Variants in ATPAF1 observed in about 807,000 individuals in gnomAD.
The protein encoded by ATPAF1 is ATP synthase mitochondrial F1 complex assembly factor 1.
In ATPAF1, 26 loss-of-function variants were observed where a neutral mutation model predicts 43.9. That is an observed-to-expected ratio of 0.59 (90% CI 0.43 to 0.82). ATPAF1 has a LOEUF of 0.82. ATPAF1 is among the 40% of genes least tolerant of loss of function. The pLI, the probability that ATPAF1 is intolerant of heterozygous loss-of-function variation, is 0.00. For synonymous variants in ATPAF1, 157 were observed against 168.0 expected, an observed-to-expected ratio of 0.93 and a Z score of 0.50; for missense variants, 366 against 435.0, an observed-to-expected ratio of 0.84 and a Z score of 1.41.
chr1:46,667,470 G>A (rs1270468767), intron 1 of ATPAF1, among the ~76,000 whole-genome samples: 1 of 152,170 alleles, frequency 6.6e-6, no homozygotes, highest in Non-Finnish European at 1.5e-5. Flanking sequence ...TGGTGTTAGG[G>A]ACCCTGGACT....
At chr1:46,665,298 C>A in exon 2 of ATPAF1, 1 of 1,614,252 alleles carries the variant, frequency 6.2e-7, no homozygotes. Context: ...GCCTGGAATG[C>A]CCCACTGGCT....
intron 8 of ATPAF1, among the ~76,000 whole-genome samples, chr1:46,642,667 C>T (rs1675970543): frequency 6.6e-6 from 1 of 152,166 alleles, no homozygotes; most frequent in Non-Finnish European, 1.5e-5. Flanking sequence ...TACAACTCTT[C>T]CCTATAATTA....
At chr1:46,647,449 A>G (rs147317195) in intron 6 of ATPAF1, among the ~76,000 whole-genome samples, 1 of 152,282 alleles carries the variant, frequency 6.6e-6, no homozygotes, top group Non-Finnish European at 1.5e-5. Context: ...GCATGTATCA[A>G]TAGTTCATTC....
At chr1:46,663,114 A>T (rs1200591019) in intron 2 of ATPAF1, among the ~76,000 whole-genome samples, 2 of 152,188 alleles carry the variant, frequency 1.3e-5, no homozygotes. Context: ...ACATGAACTC[A>T]TCATTTTTTA....
rs765824542 is a variant in ATPAF1, at chr1:46,635,802, A to G, written c.961T>C (p.Cys321Arg). ...TAAGTCTTATTTTGGTTCTGGGCAC[A>G]TTTCAGTTCTGCTCCAAGTCCGCTT... is the stretch of plus-strand genomic sequence containing the variant. Residue 321 changes from cysteine (C) to arginine (R), a missense_variant, in exon 9 of 9, where the codon TGT (cysteine) becomes CGT (arginine). Around this residue, in one of 2 missense-constraint regions of ATPAF1, gnomAD observed 180 missense variants for 266.5 expected, o/e 0.68. Transcript: ENST00000574428. The G allele has an allele frequency of 3.1e-6, 5 of 1,614,166 alleles. No homozygotes were observed. The South Asian group carries it at 5.5e-5, about 18-fold the overall frequency.
intron 1 of ATPAF1, chr1:46,666,310 G>A (rs636082): frequency 0.14 from 21,370 of 153,544 alleles, 3,833 homozygotes; most frequent in African/African-American, 0.4. Context: ...CTGCTTAGTC[G>A]GGCATGGCAC....
chr1:46,659,169 C>T (rs1195808192), intron 2 of ATPAF1, among the ~76,000 whole-genome samples: 3 of 151,730 alleles, frequency 2.0e-5, no homozygotes, highest in African/African-American at 4.8e-5. Context: ...CTAGCCCGGG[C>T]AACAGAGTGA....
At chr1:46,661,504 C>T (rs895303778) in intron 2 of ATPAF1, among the ~76,000 whole-genome samples, 14 of 152,142 alleles carry the variant, frequency 9.2e-5, no homozygotes, top group African/African-American at 3.4e-4. Context: ...ACAGTGTAGT[C>T]GTGCCCTAAT....
In ATPAF1 at chr1:46,635,474, G is replaced by A. The variant is rs372417440; in HGVS notation, c.*302C>T. On this transcript the variant is annotated 3_prime_UTR_variant, in exon 9 of 9. Transcript: ENST00000574428. Reference sequence around the variant, plus strand: ...AAAGTGGCCAGAATGCAACTGCGCTGTTACACTGTGCAAAATCAAGTCAAC... The same window carrying A: ...AAAGTGGCCAGAATGCAACTGCGCTATTACACTGTGCAAAATCAAGTCAAC... 170 of 356,942 alleles carry A rather than the reference G, an allele frequency of 4.8e-4. 3 individuals are homozygous for A. The South Asian group carries it at 8.8e-3, about 18-fold the overall frequency. 22.1% of individuals were successfully genotyped at this position (356,942 alleles called of 1,614,324 possible).
intron 4 of ATPAF1, 117 bp downstream of exon 4, chr1:46,658,010 G>C: frequency 1.0e-6 from 1 of 972,932 alleles, no homozygotes; most frequent in Non-Finnish European, 1.6e-6. Context: ...CATCACTTTT[G>C]CCTTTTATTA....
chr1:46,643,435 T>TA, intron 7 of ATPAF1, 134 bp from the exon 8 acceptor site: 1 of 648,064 alleles, frequency 1.5e-6, no homozygotes, highest in Non-Finnish European at 2.7e-6. Flanking sequence ...GGAGGACTGG[T>TA]ATGTGGTGGT....
At chr1:46,651,434 A>G (rs1181803029) in intron 6 of ATPAF1, among the ~76,000 whole-genome samples, 4 of 152,138 alleles carry the variant, frequency 2.6e-5, no homozygotes, top group Admixed American at 2.6e-4. Flanking sequence ...AGTCTTTGCT[A>G]TTGTGAATAA....
chr1:46,666,043 T>C lies in ATPAF1; in HGVS notation c.267-679A>G, dbSNP rs188953227. 25 of 241,970 alleles carry C rather than the reference T, an allele frequency of 1.0e-4. No individual in the cohort carries two copies. In the East Asian group the frequency reaches 2.8e-3, roughly 27 times the overall value. 15.0% of individuals were successfully genotyped at this position (241,970 alleles called of 1,614,324 possible). A position where few individuals can be genotyped will look rare whatever the true frequency, so the allele number is the denominator to read the frequency against. ...TTGGTTTTGTACACTTTGGTGAAGA[T>C]ATCATCCAGGGATTCCAGCTCTTTG... On this transcript the variant is annotated intron_variant, in intron 1 of 8. Coordinates refer to ENST00000574428, the Ensembl canonical transcript of ATPAF1.
chr1:46,635,247 T>C (rs1482184606), exon 9 of ATPAF1: 1 of 153,414 alleles, frequency 6.5e-6, no homozygotes, highest in Non-Finnish European at 1.5e-5. Flanking sequence ...CTGGGGGGCA[T>C]CATCTAGATG....
At chr1:46,648,071 G>A (rs1010998686) in intron 6 of ATPAF1, among the ~76,000 whole-genome samples, 3 of 152,124 alleles carry the variant, frequency 2.0e-5, no homozygotes, top group Non-Finnish European at 4.4e-5. Context: ...AGCTATTTGG[G>A]TATGCAAATA....
intron 2 of ATPAF1, among the ~76,000 whole-genome samples, chr1:46,664,257 AT>A (rs1211240708): frequency 6.6e-6 from 1 of 152,230 alleles, no homozygotes; most frequent in Non-Finnish European, 1.5e-5. Context: ...TTAAGTACTT[AT>A]GCCAGAGACG....
exon 9 of ATPAF1, chr1:46,635,716 G>A: frequency 1.3e-6 from 2 of 1,486,708 alleles, no homozygotes; most frequent in Non-Finnish European, 1.8e-6. Flanking sequence ...CCTGAGGAGG[G>A]GGTGGGCTCT....
At chr1:46,651,447 C>G (rs1223438690) in intron 6 of ATPAF1, among the ~76,000 whole-genome samples, 1 of 152,166 alleles carries the variant, frequency 6.6e-6, no homozygotes, top group Admixed American at 6.6e-5. Flanking sequence ...GTGAATAAAG[C>G]TGCAATAAGC....
chr1:46,655,287 C>T (rs1676250890), intron 4 of ATPAF1, among the ~76,000 whole-genome samples: 1 of 151,960 alleles, frequency 6.6e-6, no homozygotes, highest in African/African-American at 2.4e-5. Context: ...ATAGGCAGCT[C>T]TTAAAATCCT....
Sources: allele counts gnomAD v4.1 joint callset (sites outside exome capture counted in the v4.1 genomes callset), GRCh38; gene constraint gnomAD v4.1.1; regional missense constraint gnomAD v4.1.1; transcripts MANE v1.5; gene names NCBI Gene and HGNC (gene_info 2026-07-23, HGNC 2026-07-21).